The following ANO3 variants were observed in gnomAD, a reference collection of about 807,000 sequenced individuals.
The protein encoded by ANO3 is anoctamin 3.
ANO3 carries 99 observed loss-of-function variants against 144.8 expected under a neutral mutation model. That is an observed-to-expected ratio of 0.68 (90% CI 0.58 to 0.81). The LOEUF is 0.81. Among genes scored for constraint, ANO3 ranks in the 30% least tolerant of loss-of-function variants. ANO3 has a pLI of 0.00. For missense variants in ANO3, 905 were observed against 1,202.2 expected (o/e 0.75, Z 3.66); for synonymous variants, 414 against 392.6 (o/e 1.05, Z -0.64).
At chr11:26,630,788 G>A (rs1852752716) in intron 18 of ANO3, among the ~76,000 whole-genome samples, 1 of 152,038 alleles carries the variant, frequency 6.6e-6, no homozygotes, top group South Asian at 2.1e-4. Flanking sequence ...CCTTGCATTG[G>A]CCTTGTTACA....
intron 18 of ANO3, among the ~76,000 whole-genome samples, 188 bp from the exon 19 acceptor site, chr11:26,634,016 T>G (rs770322554): frequency 6.8e-6 from 1 of 148,054 alleles, no homozygotes; most frequent in Admixed American, 6.9e-5. Flanking sequence ...AGGCACAGGT[T>G]GCAGTGAGCC....
intron 1 of ANO3, among the ~76,000 whole-genome samples, chr11:26,230,992 C>T (rs1230954385): frequency 6.6e-6 from 1 of 150,976 alleles, no homozygotes; most frequent in Non-Finnish European, 1.5e-5. Flanking sequence ...GATTCTCCTG[C>T]CTCAGCCTCC....
intron 4 of ANO3, among the ~76,000 whole-genome samples, chr11:26,485,052 T>C (rs1196867915): frequency 1.3e-5 from 2 of 152,170 alleles, no homozygotes; most frequent in Non-Finnish European, 1.5e-5. Flanking sequence ...TACAGGCTCA[T>C]AGGTGGAAGG....
intron 3 of ANO3, among the ~76,000 whole-genome samples, chr11:26,461,700 G>A (rs903745229): frequency 3.9e-5 from 6 of 151,948 alleles, no homozygotes; most frequent in East Asian, 3.9e-4. Flanking sequence ...ACAAGCATGC[G>A]CTTTGGAATC....
chr11:26,483,283 T>C (rs903814565), intron 4 of ANO3, among the ~76,000 whole-genome samples: 1 of 152,206 alleles, frequency 6.6e-6, no homozygotes, highest in Non-Finnish European at 1.5e-5. Flanking sequence ...TTTTGTAAGA[T>C]GACATCTTTT....
upstream of ANO3, among the ~76,000 whole-genome samples, chr11:26,327,230 A>C (rs940209332): frequency 3.9e-5 from 6 of 152,190 alleles, no homozygotes; most frequent in Admixed American, 3.9e-4. Context: ...ACAAATAGAA[A>C]AGTGAGTCAA....
intron 17 of ANO3, among the ~76,000 whole-genome samples, chr11:26,619,395 A>G (rs1490772256): frequency 6.6e-6 from 1 of 152,206 alleles, no homozygotes; most frequent in Non-Finnish European, 1.5e-5. Flanking sequence ...AAGTAATTTA[A>G]AATAGTATTT....
At chr11:26,620,943 T>A (rs1852397544) in intron 17 of ANO3, among the ~76,000 whole-genome samples, 1 of 152,232 alleles carries the variant, frequency 6.6e-6, no homozygotes. Flanking sequence ...TTGTTTAGTT[T>A]GTTCATGTCT....
At chr11:26,391,966 C>A (rs1856892079) in intron 1 of ANO3, among the ~76,000 whole-genome samples, 1 of 104,004 alleles carries the variant, frequency 9.6e-6, no homozygotes, top group South Asian at 3.8e-4. Flanking sequence ...CATCTTTCTG[C>A]TGTGTCCAAA....
intron 1 of ANO3, among the ~76,000 whole-genome samples, chr11:26,319,863 A>G (rs564056637): frequency 2.0e-5 from 3 of 152,138 alleles, no homozygotes; most frequent in African/African-American, 7.2e-5. Context: ...ATTTTTATCA[A>G]TGTACAATCA....
intron 1 of ANO3, among the ~76,000 whole-genome samples, chr11:26,405,677 T>C (rs1857259141): frequency 6.6e-6 from 1 of 151,958 alleles, no homozygotes; most frequent in South Asian, 2.1e-4. Flanking sequence ...TATGCAACTT[T>C]GAGAAAATAA....
intron 17 of ANO3, among the ~76,000 whole-genome samples, chr11:26,618,339 G>A (rs1852319175): frequency 6.6e-6 from 1 of 151,886 alleles, no homozygotes; most frequent in South Asian, 2.1e-4. Context: ...TAACTGTTGT[G>A]AATTTTGCTT....
intron 4 of ANO3, among the ~76,000 whole-genome samples, chr11:26,477,388 G>T (rs1299250752): frequency 6.6e-6 from 1 of 152,110 alleles, no homozygotes; most frequent in South Asian, 2.1e-4. Context: ...TGTGTATGGA[G>T]TTTTCTCGAC....
At chr11:26,598,488 T>C in intron 15 of ANO3, 41 bp downstream of exon 15, 1 of 1,384,206 alleles carries the variant, frequency 7.2e-7, no homozygotes. Flanking sequence ...AACTGGGCTA[T>C]TACAGGATAT....
At chr11:26,628,337 G>T (rs1852660776) in intron 18 of ANO3, among the ~76,000 whole-genome samples, 1 of 152,112 alleles carries the variant, frequency 6.6e-6, no homozygotes, top group East Asian at 1.9e-4. Flanking sequence ...AAGAAACAGA[G>T]AAATTAACAG....
chr11:26,301,177 A>C (rs746653921), intron 1 of ANO3, among the ~76,000 whole-genome samples: 3 of 152,052 alleles, frequency 2.0e-5, no homozygotes, highest in Non-Finnish European at 2.9e-5. Flanking sequence ...TTGCCTCTTC[A>C]TAATGTATTT....
intron 7 of ANO3, among the ~76,000 whole-genome samples, chr11:26,527,608 T>G (rs1160039572): frequency 6.6e-6 from 1 of 152,140 alleles, no homozygotes; most frequent in African/African-American, 2.4e-5. Context: ...GTGCTTCTCT[T>G]TTCTTGAAGT....
chr11:26,201,549 C>A (rs1851692565), intron 1 of ANO3, among the ~76,000 whole-genome samples: 1 of 152,072 alleles, frequency 6.6e-6, no homozygotes, highest in East Asian at 1.9e-4. Context: ...AAGAGATAAA[C>A]ATATGAAGAG....
intron 26 of ANO3, among the ~76,000 whole-genome samples, chr11:26,657,971 T>C (rs1289901541): frequency 6.6e-6 from 1 of 152,210 alleles, no homozygotes; most frequent in African/African-American, 2.4e-5. Flanking sequence ...TTTAGCTCGA[T>C]ATGATCCCAT....
Sources: allele counts gnomAD v4.1 joint callset (sites outside exome capture counted in the v4.1 genomes callset), GRCh38; gene constraint gnomAD v4.1.1; transcripts MANE v1.5; gene names NCBI Gene and HGNC (gene_info 2026-07-23, HGNC 2026-07-21).